NRXN1: variants seen among roughly 807,000 people sequenced by gnomAD.
The protein encoded by NRXN1 is neurexin 1, also known as neurexin-1.
In NRXN1, 39 loss-of-function variants were observed where a neutral mutation model predicts 150.9. The observed-to-expected ratio is 0.26, with a 90% CI of 0.20 to 0.34. NRXN1 has a LOEUF of 0.34. Among genes scored for constraint, NRXN1 ranks in the 10% least tolerant of loss-of-function variants. The pLI, the probability that NRXN1 is intolerant of heterozygous loss-of-function variation, is 1.00. For missense variants in NRXN1, 1,815 were observed against 1,949.9 expected, an observed-to-expected ratio of 0.93 and a Z score of 1.30; for synonymous variants, 924 against 757.0, an observed-to-expected ratio of 1.22 and a Z score of -3.62.
intron 18 of NRXN1, among the ~76,000 whole-genome samples, chr2:50,229,033 A>C (rs2064684458): frequency 6.6e-6 from 1 of 152,080 alleles, no homozygotes; most frequent in South Asian, 2.1e-4. Flanking sequence ...GAATTTTCTC[A>C]GACCCCATAA....
intron 21 of NRXN1, among the ~76,000 whole-genome samples, chr2:50,021,829 A>G (rs1483237122): frequency 6.6e-6 from 1 of 152,208 alleles, no homozygotes; most frequent in Non-Finnish European, 1.5e-5. Flanking sequence ...AACCATGGCT[A>G]CAACATATAT....
chr2:50,075,749 T>A (rs112723158), intron 19 of NRXN1, among the ~76,000 whole-genome samples: 3 of 151,810 alleles, frequency 2.0e-5, no homozygotes, highest in African/African-American at 7.3e-5. Flanking sequence ...TGGATTGTTA[T>A]AGCTTAAGCA....
chr2:50,820,899 G>C (rs753139288), intron 5 of NRXN1, among the ~76,000 whole-genome samples: 1 of 152,132 alleles, frequency 6.6e-6, no homozygotes, highest in Non-Finnish European at 1.5e-5. Context: ...TTATGGAGAG[G>C]ATAGGGATAA....
At chr2:50,633,908 T>C (rs1682807170) in intron 5 of NRXN1, among the ~76,000 whole-genome samples, 1 of 151,986 alleles carries the variant, frequency 6.6e-6, no homozygotes, top group African/African-American at 2.4e-5. Flanking sequence ...AGCAGGGAAG[T>C]TGTTTTAGAT....
chr2:50,496,176 T>C, intron 14 of NRXN1, 81 bp from the exon 15 acceptor site: 1 of 1,117,746 alleles, frequency 8.9e-7, no homozygotes, highest in Non-Finnish European at 1.3e-6. Context: ...CAAATGGAGA[T>C]TTTTTTTCAG....
intron 21 of NRXN1, among the ~76,000 whole-genome samples, chr2:49,988,161 T>C (rs1359544025): frequency 1.3e-5 from 2 of 151,972 alleles, no homozygotes; most frequent in Non-Finnish European, 2.9e-5. Context: ...AGTGAAACAG[T>C]CCTCCTAAAT....
At chr2:50,762,896 C>T (rs986725927) in intron 5 of NRXN1, among the ~76,000 whole-genome samples, 1 of 151,900 alleles carries the variant, frequency 6.6e-6, no homozygotes, top group African/African-American at 2.4e-5. Flanking sequence ...CAGCCCTGCA[C>T]GATTACTTGA....
At chr2:50,639,222 CTT>C (rs34380621) in intron 5 of NRXN1, among the ~76,000 whole-genome samples, 6 of 137,350 alleles carry the variant, frequency 4.4e-5, no homozygotes, top group African/African-American at 5.5e-5. Flanking sequence ...TTCTTTCTTT[CTT>C]TTTTTTTTTT....
chr2:50,156,881 T>A (rs1019988504), intron 18 of NRXN1, among the ~76,000 whole-genome samples: 29 of 152,132 alleles, frequency 1.9e-4, no homozygotes, highest in African/African-American at 7.0e-4. Flanking sequence ...ACTAAAGTGC[T>A]ATAAGAAAAT....
intron 16 of NRXN1, among the ~76,000 whole-genome samples, chr2:50,466,199 A>G (rs2088825589): frequency 6.6e-6 from 1 of 151,824 alleles, no homozygotes; most frequent in African/African-American, 2.4e-5. Flanking sequence ...AAGAATCATA[A>G]CTAGAACACT....
intron 5 of NRXN1, among the ~76,000 whole-genome samples, chr2:50,902,077 G>A (rs1438962572): frequency 1.3e-5 from 2 of 152,070 alleles, no homozygotes; most frequent in Admixed American, 6.5e-5. Context: ...GTGTAATAAT[G>A]TACTATTTTT....
intron 21 of NRXN1, among the ~76,000 whole-genome samples, chr2:50,029,302 C>A (rs975162208): frequency 3.9e-5 from 6 of 152,052 alleles, no homozygotes; most frequent in African/African-American, 1.4e-4. Flanking sequence ...TAGAAGTCAC[C>A]CAGTTTATAC....
chr2:50,400,094 T>C (rs2082301890), intron 17 of NRXN1, among the ~76,000 whole-genome samples: 1 of 152,056 alleles, frequency 6.6e-6, no homozygotes, highest in Admixed American at 6.6e-5. Flanking sequence ...GAACAAACTG[T>C]ACTTGGTTCC....
intron 5 of NRXN1, among the ~76,000 whole-genome samples, chr2:50,651,470 G>GTAACA (rs879408695): frequency 0.026 from 3,527 of 137,962 alleles, 139 homozygotes; most frequent in African/African-American, 0.089. Context: ...ATAACATAAC[G>GTAACA]TAACATGACA....
intron 5 of NRXN1, among the ~76,000 whole-genome samples, chr2:50,906,182 C>T (rs935108071): frequency 6.6e-6 from 1 of 152,056 alleles, no homozygotes; most frequent in Non-Finnish European, 1.5e-5. Context: ...AGATTAATAT[C>T]ATATTTGTAG....
At chr2:49,953,267 C>T (rs1300660911) in intron 21 of NRXN1, among the ~76,000 whole-genome samples, 1 of 152,148 alleles carries the variant, frequency 6.6e-6, no homozygotes, top group Non-Finnish European at 1.5e-5. Flanking sequence ...ATGCAAGACT[C>T]AGGACTGCAT....
intron 17 of NRXN1, among the ~76,000 whole-genome samples, chr2:50,368,226 A>G (rs2079742998): frequency 6.6e-6 from 1 of 151,966 alleles, no homozygotes; most frequent in Non-Finnish European, 1.5e-5. Flanking sequence ...GATTGTTTAA[A>G]TTATGGTAGA....
At chr2:50,216,794 G>A (rs930155525) in intron 18 of NRXN1, among the ~76,000 whole-genome samples, 2 of 152,074 alleles carry the variant, frequency 1.3e-5, no homozygotes, top group African/African-American at 4.8e-5. Context: ...CTTTCAAAAA[G>A]TGGATTTCAG....
chr2:50,115,242 C>T (rs866553463), intron 18 of NRXN1, among the ~76,000 whole-genome samples: 1,153 of 105,108 alleles, frequency 0.011, 17 homozygotes, highest in African/African-American at 0.039. Context: ...TATATATATA[C>T]ACACACACAC....
Sources: allele counts gnomAD v4.1 joint callset (sites outside exome capture counted in the v4.1 genomes callset), GRCh38; gene constraint gnomAD v4.1.1; transcripts MANE v1.5; gene names NCBI Gene and HGNC (gene_info 2026-07-23, HGNC 2026-07-21).